SCN2A: variants seen among roughly 807,000 people sequenced by gnomAD.
SCN2A encodes sodium voltage-gated channel alpha subunit 2.
In SCN2A, 20 loss-of-function variants were observed where a neutral mutation model predicts 188.7. That is an observed-to-expected ratio of 0.11 (90% CI 0.07 to 0.15). The LOEUF (loss-of-function observed/expected upper bound fraction) is 0.15, where lower values mean the gene tolerates loss of function less well. Among genes scored for constraint, SCN2A ranks in the 10% least tolerant of loss-of-function variants. The probability of loss-of-function intolerance (pLI) is 1.00; values close to 1 mark genes in which losing one functional copy is unlikely to be tolerated. For synonymous variants in SCN2A, 804 were observed against 833.1 expected (o/e 0.97, Z 0.60); for missense variants, 1,278 against 2,445.0 (o/e 0.52, Z 10.07).
intron 11 of SCN2A, 83 bp from the exon 12 acceptor site, chr2:165,323,073 A>C (rs1270568209): frequency 1.6e-6 from 2 of 1,281,798 alleles, no homozygotes; most frequent in Non-Finnish European, 2.2e-6. Context: ...TGACTATGAC[A>C]CAATGAATCA....
chr2:165,287,011 G>T (rs191584955), intron 1 of SCN2A, among the ~76,000 whole-genome samples: 2 of 152,166 alleles, frequency 1.3e-5, no homozygotes, highest in Non-Finnish European at 2.9e-5. Flanking sequence ...TCCTTGCCTC[G>T]TTGGAGGAAA....
In SCN2A at chr2:165,331,438, A is replaced by G. The variant is rs772159401; in HGVS notation, c.2258A>G (p.Asn753Ser). 1.3e-5 allele frequency: 21 copies of G among 1,613,706 alleles called. No individual in the cohort carries two copies. Among genetic ancestry groups the G allele is most frequent in the Non-Finnish European group, 1.6e-5 (19 of 1,179,764 alleles). The change falls in exon 14 of 27, where the codon AAC (asparagine) becomes AGC (serine). Residue 753 changes from asparagine (N) to serine (S), a missense_variant. Coordinates refer to ENST00000375437, the MANE Select transcript of SCN2A (RefSeq NM_001040142.2). ...TGGTTAAAGGTGAAACACCTTGTCAACCTGGTTGTAATGGACCCATTTGTT... is the reference window on the plus strand; with the variant it reads ...TGGTTAAAGGTGAAACACCTTGTCAGCCTGGTTGTAATGGACCCATTTGTT... ...KPWLKVKHLV[N>S]LVVMDPFVDL...
At chr2:165,251,076 A>G (rs1255670103) in intron 1 of SCN2A, among the ~76,000 whole-genome samples, 2 of 152,138 alleles carry the variant, frequency 1.3e-5, no homozygotes, top group Non-Finnish European at 2.9e-5. Context: ...AGTATATACT[A>G]TTTTAGTTTT....
intron 1 of SCN2A, among the ~76,000 whole-genome samples, chr2:165,289,691 A>G (rs958478872): frequency 9.2e-5 from 14 of 152,160 alleles, no homozygotes; most frequent in Admixed American, 2.6e-4. Flanking sequence ...GAAACAGACT[A>G]TAATTCTTTA....
intron 1 of SCN2A, among the ~76,000 whole-genome samples, chr2:165,242,572 C>CAA (rs1693670069): frequency 6.6e-6 from 1 of 152,034 alleles, no homozygotes; most frequent in South Asian, 2.1e-4. Flanking sequence ...CTAAATTGGA[C>CAA]ATGAGAAATC....
chr2:165,318,571 T>C (rs1038979080), intron 11 of SCN2A, among the ~76,000 whole-genome samples: 15 of 152,232 alleles, frequency 9.9e-5, no homozygotes, highest in Non-Finnish European at 5.9e-5. Context: ...CACAATCATT[T>C]CTCATATAGC....
chr2:165,270,987 A>G (rs1229740388), intron 1 of SCN2A: 2 of 152,114 alleles, frequency 1.3e-5, no homozygotes, highest in South Asian at 2.1e-4. Context: ...GAGGATGTTT[A>G]TACCTCCCTG....
chr2:165,267,040 G>A (rs948127572), intron 1 of SCN2A: 5 of 151,990 alleles, frequency 3.3e-5, no homozygotes, highest in Non-Finnish European at 7.4e-5. Context: ...CCGTGTTAAC[G>A]AGTGGAAAGA....
chr2:165,379,239 A>G (rs912433460), intron 23 of SCN2A, among the ~76,000 whole-genome samples: 5 of 151,728 alleles, frequency 3.3e-5, no homozygotes, highest in Admixed American at 3.3e-4. Context: ...TGAATACTAT[A>G]TAGTGATGAA....
rs371605745 is a variant in SCN2A at position 165,385,184 on chromosome 2, A to G, written c.4552-1562A>G. The stretch of plus-strand genomic sequence containing the variant: ...CCTCCCAATAGAAAGAGGGCAGAAC[A>G]CTAAGATGTAGAATCCAGGCCACTA... On this transcript the variant is annotated intron_variant, in intron 25 of 26. Coordinates refer to ENST00000375437, the MANE Select transcript of SCN2A (RefSeq NM_001040142.2). Among the ~76,000 whole-genome samples, 36 of 152,274 alleles carry G rather than the reference A, an allele frequency of 2.4e-4. 1 individual carries two copies. The East Asian group carries it at 3.7e-3, about 16-fold the overall frequency.
chr2:165,273,245 A>G (rs192258141), intron 1 of SCN2A: 18 of 152,324 alleles, frequency 1.2e-4, no homozygotes, highest in South Asian at 8.3e-4. Flanking sequence ...TAACTAAGGA[A>G]TAAGTTAGAT....
intron 1 of SCN2A, chr2:165,270,917 C>T (rs1274910525): frequency 6.6e-6 from 1 of 152,076 alleles, no homozygotes; most frequent in Non-Finnish European, 1.5e-5. Flanking sequence ...GCATCTGTCA[C>T]TTATTTGCTT....
chr2:165,380,644 T>C lies in SCN2A; in HGVS notation c.4361T>C (p.Val1454Ala). Residue 1454 changes from valine (V) to alanine (A), a missense_variant, in exon 24 of 27, where the codon GTC becomes GCC. Physicochemically the swap from Val to Ala is moderately conservative, Grantham distance 64 (BLOSUM62 0). Transcript: ENST00000375437. ...AACCTGTACATGTATCTTTATTTTGTCATCTTTATTATTTTTGGTTCATTC... is the reference window on the plus strand; with the variant it reads ...AACCTGTACATGTATCTTTATTTTGCCATCTTTATTATTTTTGGTTCATTC... The part of the protein sequence containing the change: ...EDNLYMYLYF[V>A]IFIIFGSFFT... 6.3e-7 allele frequency: 1 copy of C among 1,587,040 alleles called. No individual in the cohort carries two copies. The highest frequency in any genetic ancestry group is 8.6e-7 in the Non-Finnish European group (1 of 1,156,654).
chr2:165,282,485 A>G (rs927051640), intron 1 of SCN2A, among the ~76,000 whole-genome samples: 2 of 152,226 alleles, frequency 1.3e-5, no homozygotes, highest in South Asian at 4.1e-4. Flanking sequence ...TAAATAGCAA[A>G]TAAAAGCCAT....
At chr2:165,292,693 G>A (rs180768266) in intron 1 of SCN2A, among the ~76,000 whole-genome samples, 12 of 152,188 alleles carry the variant, frequency 7.9e-5, no homozygotes, top group Admixed American at 2.6e-4. Context: ...AATTGATACC[G>A]GTGCCTGTTT....
chr2:165,308,562 C>A, intron 4 of SCN2A, 104 bp from the exon 5 acceptor site: 1 of 1,257,792 alleles, frequency 8.0e-7, no homozygotes, highest in East Asian at 2.4e-5. Context: ...GGGGGACCAA[C>A]CTGGAAGTGT....
At chr2:165,337,478 A>G (rs139555973) in intron 14 of SCN2A, among the ~76,000 whole-genome samples, 161 of 152,228 alleles carry the variant, frequency 1.1e-3, no homozygotes, top group Admixed American at 3.9e-3. Context: ...TACCTTATAA[A>G]ATGTTAGTGA....
Position 165,313,973 on chromosome 2 carries a change from A to G in SCN2A, c.1248A>G (p.Leu416=), listed in dbSNP as rs935851967. ...VLVIFLGSFY[L]INLILAVVAM... Reference sequence around the variant, plus strand: ...TCATTTTCTTGGGCTCATTCTATCTAATAAATTTGATCTTGGCTGTGGTGG... The same window carrying G: ...TCATTTTCTTGGGCTCATTCTATCTGATAAATTTGATCTTGGCTGTGGTGG... The change falls in exon 10 of 27, where the codon CTA becomes CTG. Residue 416 remains leucine (L), a synonymous_variant. Coordinates refer to ENST00000375437, the MANE Select transcript of SCN2A (RefSeq NM_001040142.2). The G allele has an allele frequency of 6.8e-6, 11 of 1,613,854 alleles. No homozygotes were observed. Among genetic ancestry groups the G allele is most frequent in the Non-Finnish European group, 9.3e-6 (11 of 1,179,782 alleles).
In SCN2A at chr2:165,323,393, A is replaced by G. The variant is rs758619758; in HGVS notation, c.1909A>G (p.Ile637Val). 3 of 1,614,118 alleles carry G rather than the reference A, an allele frequency of 1.9e-6. No individual in the cohort carries two copies. The highest frequency in any genetic ancestry group is 2.2e-5 in the East Asian group (1 of 44,856). The change falls in exon 12 of 27, where the codon ATC becomes GTC. Residue 637 changes from isoleucine (I) to valine (V), a missense_variant. By Grantham distance (29) the Ile-to-Val change is conservative. Around this residue, in one of 17 missense-constraint regions of SCN2A, gnomAD observed 315 missense variants for 386.6 expected, o/e 0.81. Transcript: ENST00000375437. The stretch of plus-strand genomic sequence containing the variant: ...CAGCCGTGCCTCCAGGGTGCTCCCC[A>G]TCCTGCCCATGAATGGGAAGATGCA... Reference protein sequence around the residue: ...QASRASRVLPILPMNGKMHSA... With the variant: ...QASRASRVLPVLPMNGKMHSA...
Sources: gnomAD v4.1 joint callset for allele counts (sites outside exome capture counted in the v4.1 genomes callset) on GRCh38, gnomAD v4.1.1 for gene constraint, gnomAD v4.1.1 regional missense constraint, MANE v1.5 for transcripts, NCBI Gene and HGNC (gene_info 2026-07-23, HGNC 2026-07-21) for gene names.